TENM2: variants seen among roughly 807,000 people sequenced by gnomAD.
TENM2 encodes the protein teneurin transmembrane protein 2.
In TENM2, 52 loss-of-function variants were observed where a neutral mutation model predicts 245.2. The observed-to-expected ratio is 0.21, with a 90% CI of 0.17 to 0.27. The LOEUF is 0.27. Ranked by LOEUF, TENM2 falls within the 10% of genes least tolerant of loss-of-function variation. The pLI, the probability that TENM2 is intolerant of heterozygous loss-of-function variation, is 1.00. For missense variants in TENM2, 3,046 were observed against 3,666.8 expected (o/e 0.83, Z 4.37); for synonymous variants, 1,363 against 1,438.9 (o/e 0.95, Z 1.19).
chr5:167,184,620 T>C, the TENM2 span, among the ~76,000 whole-genome samples: 7 of 152,282 alleles, frequency 4.6e-5, no homozygotes, highest in African/African-American at 1.7e-4. Context: ...ATATGTCCTC[T>C]TGAACATAGC....
rs574216086 is a variant in TENM2 at position 167,625,961 on chromosome 5, C to T, written c.503-250025C>T. The stretch of plus-strand genomic sequence containing the variant: ...ACATAGCTTGCATCCACCAAAGCAG[C>T]GGAGTCAAGAGAAAAGAAGAAGACA... On this transcript the variant is annotated intron_variant, in intron 2 of 28. Transcript: ENST00000518659. Among the ~76,000 whole-genome samples, 7 of 152,212 alleles carry T rather than the reference C, an allele frequency of 4.6e-5. 1 individual carries two copies. The South Asian group carries it at 1.0e-3, about 23-fold the overall frequency.
intron 2 of TENM2, among the ~76,000 whole-genome samples, chr5:167,547,826 C>T (rs1261450590): frequency 6.6e-6 from 1 of 152,202 alleles, no homozygotes; most frequent in African/African-American, 2.4e-5. Context: ...ACATGTCCAA[C>T]ATATTCTTCA....
chr5:168,095,024 G>A (rs1793247942), intron 8 of TENM2, among the ~76,000 whole-genome samples: 1 of 151,784 alleles, frequency 6.6e-6, no homozygotes, highest in African/African-American at 2.4e-5. Flanking sequence ...CCCTAGATGG[G>A]ACCATCTAGT....
At chr5:167,776,395 G>T (rs547376334) in intron 2 of TENM2, among the ~76,000 whole-genome samples, 2 of 151,448 alleles carry the variant, frequency 1.3e-5, no homozygotes, top group Non-Finnish European at 1.5e-5. Context: ...CCAGGAGTTC[G>T]AGACCAGCCT....
At chr5:167,310,283 G>C (rs1438968663) in intron 1 of TENM2, among the ~76,000 whole-genome samples, 1 of 152,126 alleles carries the variant, frequency 6.6e-6, no homozygotes, top group Non-Finnish European at 1.5e-5. Flanking sequence ...GCAATTTTTT[G>C]CTTACATTTT....
At chr5:166,992,059 ATT>A in the TENM2 span, among the ~76,000 whole-genome samples, 2,109 of 146,916 alleles carry the variant, frequency 0.014, 16 homozygotes, top group East Asian at 0.028. Context: ...TCATATTCCA[ATT>A]TTTTTTTTTT....
At chr5:167,489,322 T>C (rs1768281118) in intron 2 of TENM2, among the ~76,000 whole-genome samples, 1 of 152,214 alleles carries the variant, frequency 6.6e-6, no homozygotes, top group Non-Finnish European at 1.5e-5. Flanking sequence ...TTCTGTGATG[T>C]AGTATACTGG....
chr5:167,408,990 A>T (rs970441287), intron 2 of TENM2, among the ~76,000 whole-genome samples: 1 of 151,328 alleles, frequency 6.6e-6, no homozygotes, highest in African/African-American at 2.4e-5. Flanking sequence ...TTTGAAATGC[A>T]AATATGTGTG....
chr5:167,776,161 C>CCACACACACACACGCA (rs1763754016), intron 2 of TENM2, among the ~76,000 whole-genome samples: 1 of 133,110 alleles, frequency 7.5e-6, no homozygotes, highest in South Asian at 2.4e-4. Flanking sequence ...AAAAAAAAAT[C>CCACACACACACACGCA]CACACACACA....
intron 23 of TENM2, among the ~76,000 whole-genome samples, chr5:168,219,845 A>ATCC (rs1763512087): frequency 6.6e-6 from 1 of 151,508 alleles, no homozygotes; most frequent in Non-Finnish European, 1.5e-5. Flanking sequence ...AAAAAAAAAA[A>ATCC]AAAAGCGGGG....
chr5:167,231,018 T>A, the TENM2 span, among the ~76,000 whole-genome samples: 2 of 152,182 alleles, frequency 1.3e-5, no homozygotes, highest in African/African-American at 4.8e-5. Context: ...TTTCCACCAC[T>A]TGCACTCATT....
At chr5:167,246,845 C>T in the TENM2 span, among the ~76,000 whole-genome samples, 1 of 151,864 alleles carries the variant, frequency 6.6e-6, no homozygotes, top group African/African-American at 2.4e-5. Context: ...GAATGTGGTG[C>T]TTCATGTTCC....
chr5:167,974,444 GAAGA>G (rs1249019502), intron 4 of TENM2, among the ~76,000 whole-genome samples: 1 of 144,368 alleles, frequency 6.9e-6, no homozygotes, highest in African/African-American at 2.6e-5. Context: ...AGGAAGGAGG[GAAGA>G]AAGAAGGAAG....
the TENM2 span, among the ~76,000 whole-genome samples, chr5:167,065,632 C>T: frequency 6.6e-6 from 1 of 152,092 alleles, no homozygotes; most frequent in Admixed American, 6.6e-5. Context: ...TGGCTAATAC[C>T]GTGTTGATAA....
the TENM2 span, among the ~76,000 whole-genome samples, chr5:167,246,727 T>C: frequency 6.6e-6 from 1 of 151,962 alleles, no homozygotes; most frequent in East Asian, 1.9e-4. Flanking sequence ...ATTCTTCTGC[T>C]TGCCCATGTG....
intron 2 of TENM2, among the ~76,000 whole-genome samples, chr5:167,858,128 T>G (rs903440804): frequency 6.6e-6 from 1 of 152,226 alleles, no homozygotes; most frequent in Non-Finnish European, 1.5e-5. Context: ...AACAGAAGCA[T>G]AGCAAAAGCA....
At chr5:167,229,884 A>G in the TENM2 span, among the ~76,000 whole-genome samples, 3 of 152,178 alleles carry the variant, frequency 2.0e-5, no homozygotes, top group African/African-American at 7.2e-5. Context: ...CCCTGGGAAC[A>G]GCTTTAGGAA....
chr5:167,209,994 C>T, the TENM2 span, among the ~76,000 whole-genome samples: 3 of 152,156 alleles, frequency 2.0e-5, no homozygotes, highest in African/African-American at 7.2e-5. Context: ...AAACCATGCC[C>T]TGGTGTCTTA....
At chr5:167,927,941 G>T (rs913282840) in intron 3 of TENM2, among the ~76,000 whole-genome samples, 2 of 152,178 alleles carry the variant, frequency 1.3e-5, no homozygotes, top group African/African-American at 4.8e-5. Context: ...GATGATAAAG[G>T]CATACTGTAG....
Sources: gnomAD v4.1 joint callset for allele counts (sites outside exome capture counted in the v4.1 genomes callset) on GRCh38, gnomAD v4.1.1 for gene constraint, MANE v1.5 for transcripts, NCBI Gene and HGNC (gene_info 2026-07-23, HGNC 2026-07-21) for gene names.